The following BORCS5 variants were observed in gnomAD, a reference collection of about 807,000 sequenced individuals.
BORCS5 encodes the protein BLOC-1-related complex subunit 5.
In BORCS5, 17 loss-of-function variants were observed where a neutral mutation model predicts 22.1. The ratio of observed to expected loss-of-function variants is 0.77; its 90% confidence interval spans 0.53 to 1.15. The LOEUF (loss-of-function observed/expected upper bound fraction) is 1.15, where lower values mean the gene tolerates loss of function less well. Among genes scored for constraint, BORCS5 ranks in the 50% most tolerant of loss-of-function variants. BORCS5 has a pLI of 0.00. For missense variants in BORCS5, 247 were observed against 253.2 expected, an observed-to-expected ratio of 0.98 and a Z score of 0.17; for synonymous variants, 117 against 99.8, an observed-to-expected ratio of 1.17 and a Z score of -1.03.
chr12:12,412,900 C>CTTTTTTTTTTTTT (rs869045354), intron 2 of BORCS5, among the ~76,000 whole-genome samples: 10 of 74,170 alleles, frequency 1.3e-4, no homozygotes, highest in Admixed American at 1.9e-4. Flanking sequence ...TTGTGGTTTT[C>CTTTTTTTTTTTTT]TTTTTTTTTT....
chr12:12,463,662 T>C (rs1012682609), intron 3 of BORCS5, among the ~76,000 whole-genome samples: 3 of 152,150 alleles, frequency 2.0e-5, no homozygotes, highest in African/African-American at 7.2e-5. Flanking sequence ...CTCAGTGTGC[T>C]CATCTCAGCA....
intron 2 of BORCS5, among the ~76,000 whole-genome samples, chr12:12,435,158 A>G (rs1942527056): frequency 6.6e-6 from 1 of 152,162 alleles, no homozygotes; most frequent in Non-Finnish European, 1.5e-5. Flanking sequence ...TTCTGTATAC[A>G]TTTGATTTCT....
At position 12,433,179 on chromosome 12, in the gene BORCS5, GC is replaced by G. The variant is rs567994474; in HGVS notation, c.203-2448del. Among the ~76,000 whole-genome samples the G allele has an allele frequency of 2.9e-3, 447 of 151,908 alleles. 2 individuals carry two copies. The highest frequency in any genetic ancestry group is 9.0e-3 in the African/African-American group (372 of 41,440). Reference sequence around the variant, plus strand: ...TGAAACCCTGTCTCTACTAAAAAATGCAAAAATTAGGCAGGAATGGTGGCAC... The same window carrying G: ...TGAAACCCTGTCTCTACTAAAAAATGAAAAATTAGGCAGGAATGGTGGCAC... On this transcript the variant is annotated intron_variant, in intron 2 of 3. Transcript: ENST00000314565.
In BORCS5 at chr12:12,465,900, G is replaced by C; in HGVS notation, c.*124G>C. 8.2e-6 allele frequency: 6 copies of C among 734,362 alleles called. No homozygotes were observed. In the South Asian group the frequency reaches 1.1e-4, roughly 14 times the overall value. 45.5% of individuals were successfully genotyped at this position (734,362 alleles called of 1,614,324 possible). ...CGGGAGGCTCCCTGAAAGTGGGTGC[G>C]AAGGAGTCCGGCTGGCATGAAAATC... On this transcript the variant is annotated 3_prime_UTR_variant, in exon 4 of 4. Coordinates refer to ENST00000314565, the MANE Select transcript of BORCS5 (RefSeq NM_058169.6).
chr12:12,457,842 A>C (rs10845549), intron 3 of BORCS5, among the ~76,000 whole-genome samples: 1 of 152,118 alleles, frequency 6.6e-6, no homozygotes, highest in African/African-American at 2.4e-5. Flanking sequence ...ACTCCAGCTC[A>C]GGCAGGACAG....
chr12:12,445,586 T>C (rs1403999080), intron 3 of BORCS5, among the ~76,000 whole-genome samples: 1 of 148,008 alleles, frequency 6.8e-6, no homozygotes, highest in Non-Finnish European at 1.5e-5. Context: ...CTTCAGAGAT[T>C]CTGAGCCAGT....
chr12:12,385,597 A>T (rs113115954), intron 2 of BORCS5, among the ~76,000 whole-genome samples: 1 of 149,898 alleles, frequency 6.7e-6, no homozygotes, highest in East Asian at 2.0e-4. Context: ...GCAACCTCCA[A>T]CTCCCAGGTT....
chr12:12,357,399 G>A lies in BORCS5; in HGVS notation c.-53G>A. ...GGCCCCTGCCCTGTCGCCCGCCGCC[G>A]GAGCGGTGACCGCCCGGCCCGCCGT... is the stretch of plus-strand genomic sequence containing the variant. On this transcript the variant is annotated 5_prime_UTR_variant, in exon 1 of 4. Transcript: ENST00000314565. The A allele has an allele frequency of 1.9e-6, 3 of 1,586,686 alleles. No homozygotes were observed. The highest frequency in any genetic ancestry group is 2.6e-6 in the Non-Finnish European group (3 of 1,162,348).
At chr12:12,388,917 C>A (rs1342777821) in intron 2 of BORCS5, among the ~76,000 whole-genome samples, 1 of 151,076 alleles carries the variant, frequency 6.6e-6, no homozygotes, top group East Asian at 1.9e-4. Context: ...CTCTGACTTG[C>A]AGTAAGTTCT....
chr12:12,374,365 G>A (rs1289292738), intron 2 of BORCS5, among the ~76,000 whole-genome samples: 1 of 151,844 alleles, frequency 6.6e-6, no homozygotes, highest in African/African-American at 2.4e-5. Context: ...AGTCACAGTG[G>A]CTCATGCTTC....
Position 12,418,668 on chromosome 12 carries a change from C to T in BORCS5, c.203-16960C>T, listed in dbSNP as rs1942035814. Among the ~76,000 whole-genome samples, 5 of 152,178 alleles carry T rather than the reference C, an allele frequency of 3.3e-5. No individual in the cohort carries two copies. The South Asian group carries it at 1.0e-3, about 31-fold the overall frequency. On this transcript the variant is annotated intron_variant, in intron 2 of 3. Transcript: ENST00000314565. ...TGCCATTGCACTACAGCCTGGGTAA[C>T]AGCGTGAGACTCTCTTTCAGTATAG...
At chr12:12,448,781 A>T (rs1308294970) in intron 3 of BORCS5, among the ~76,000 whole-genome samples, 1 of 142,824 alleles carries the variant, frequency 7.0e-6, no homozygotes. Flanking sequence ...CCCGCCTCAG[A>T]CTCCCAAAGT....
At chr12:12,391,638 T>C (rs1941188793) in intron 2 of BORCS5, among the ~76,000 whole-genome samples, 1 of 150,862 alleles carries the variant, frequency 6.6e-6, no homozygotes, top group Non-Finnish European at 1.5e-5. Flanking sequence ...TGCGCCCGCC[T>C]TGGCCTCCGA....
chr12:12,358,115 A>G (rs889858794), intron 1 of BORCS5, among the ~76,000 whole-genome samples: 9 of 152,174 alleles, frequency 5.9e-5, no homozygotes, highest in African/African-American at 2.2e-4. Context: ...GAATGGGAGG[A>G]TTATTGTGTT....
chr12:12,465,438 A>T, intron 3 of BORCS5, 108 bp from the exon 4 acceptor site: 1 of 955,546 alleles, frequency 1.0e-6, no homozygotes, highest in Non-Finnish European at 1.6e-6. Flanking sequence ...AAAACTTGTC[A>T]GCTTCCACTG....
chr12:12,414,895 C>T (rs1941888328), intron 2 of BORCS5, among the ~76,000 whole-genome samples: 2 of 148,910 alleles, frequency 1.3e-5, no homozygotes, highest in Admixed American at 1.3e-4. Flanking sequence ...CAGAGGCGCT[C>T]CTCACATCCC....
chr12:12,444,719 A>G (rs1489226122), intron 3 of BORCS5, among the ~76,000 whole-genome samples: 3 of 152,228 alleles, frequency 2.0e-5, no homozygotes, highest in African/African-American at 7.2e-5. Flanking sequence ...CCTCCTGCCA[A>G]TGAAAACCAA....
chr12:12,357,909 C>T (rs1298247710), intron 1 of BORCS5, among the ~76,000 whole-genome samples: 1 of 152,154 alleles, frequency 6.6e-6, no homozygotes, highest in Non-Finnish European at 1.5e-5. Context: ...GGTTCCTTTT[C>T]TGAAGGGATA....
rs1032436066 is a variant in BORCS5 at position 12,469,430 on chromosome 12, A to G, written c.*3654A>G. 6.6e-6 allele frequency: 1 copy of G among 152,240 alleles called. No individual in the cohort carries two copies. The highest frequency in any genetic ancestry group is 1.9e-4 in the East Asian group (1 of 5,198). The allele number at this position is 152,240 out of a possible 1,614,324, so 9.4% of individuals were successfully genotyped here. A position where few individuals can be genotyped will look rare whatever the true frequency, so the allele number is the denominator to read the frequency against. ...ATTTTATGTATGTGTGCGTCTGTATATATGTTTCTGTATCCTGAGTATTTC... is the reference window on the plus strand; with the variant it reads ...ATTTTATGTATGTGTGCGTCTGTATGTATGTTTCTGTATCCTGAGTATTTC... On this transcript the variant is annotated 3_prime_UTR_variant, in exon 4 of 4. Transcript: ENST00000314565.
Sources: gnomAD v4.1 joint callset for allele counts (sites outside exome capture counted in the v4.1 genomes callset) on GRCh38, gnomAD v4.1.1 for gene constraint, MANE v1.5 for transcripts, NCBI Gene and HGNC (gene_info 2026-07-23, HGNC 2026-07-21) for gene names.